ECE1: variants seen among roughly 807,000 people sequenced by gnomAD.
ECE1 encodes the protein endothelin-converting enzyme 1.
ECE1 carries 35 observed loss-of-function variants against 98.6 expected under a neutral mutation model. The ratio of observed to expected loss-of-function variants is 0.35; its 90% CI spans 0.27 to 0.47. The LOEUF is 0.47. ECE1 is among the 20% of genes least tolerant of loss of function. ECE1 has a pLI of 1.00. For synonymous variants in ECE1, 394 were observed against 407.1 expected (o/e 0.97, Z 0.39); for missense variants, 814 against 1,025.3 (o/e 0.79, Z 2.81).
chr1:21,248,022 T>C (rs12060330), intron 8 of ECE1, among the ~76,000 whole-genome samples: 1,871 of 152,328 alleles, frequency 0.012, 45 homozygotes, highest in African/African-American at 0.043. Context: ...GATTGGTAAA[T>C]TCAGGAAGAC....
At position 21,220,146 on chromosome 1, in the gene ECE1, C is replaced by G. The variant is rs1196383393; in HGVS notation, c.2137-15G>C. ...GAGCACCAGACCTTTGAAGGGGCAA[C>G]AGGGAGAGGCCAGGGTCACTGTGGG... is the stretch of plus-strand genomic sequence containing the variant. On this transcript the variant is annotated splice_polypyrimidine_tract_variant and intron_variant, in intron 18 of 18. Transcript: ENST00000374893. The surrounding 1 kb of genome is among the most constrained non-coding windows in gnomAD (Gnocchi z 5.0). The G allele has an allele frequency of 6.2e-7, 1 of 1,603,854 alleles. No individual in the cohort carries two copies. Among genetic ancestry groups the G allele is most frequent in the South Asian group, 1.1e-5 (1 of 89,872 alleles).
intron 1 of ECE1, among the ~76,000 whole-genome samples, chr1:21,329,270 C>T (rs190861319): frequency 1.3e-5 from 2 of 152,316 alleles, no homozygotes; most frequent in East Asian, 3.9e-4. Context: ...CCTGATGATT[C>T]TCATGCACAT....
At position 21,307,027 on chromosome 1, in the gene ECE1, C is replaced by T. The variant is rs1479100338; in HGVS notation, c.4-16871G>A. On this transcript the variant is annotated intron_variant, in intron 1 of 18. Transcript: ENST00000415912. This position sits in a 1 kb window ranked among gnomAD's most constrained non-coding sequence, Gnocchi z 4.2. ...GCCACAAATGCTAAGGGCCTGGCAG[C>T]GAGGACTGAGCCAACTCTTGGGCTT... 6.6e-6 allele frequency among the ~76,000 whole-genome samples: 1 copy of T among 152,146 alleles called. No homozygotes were observed. The highest frequency in any genetic ancestry group is 2.1e-4 in the South Asian group (1 of 4,830).
chr1:21,223,995 C>G (rs2103207926), intron 17 of ECE1, among the ~76,000 whole-genome samples: 1 of 152,228 alleles, frequency 6.6e-6, no homozygotes, highest in Non-Finnish European at 1.5e-5. Context: ...ACCAAAGGTC[C>G]TTCCTTAGCC....
At chr1:21,342,935 C>G (rs1639430155) in intron 1 of ECE1, among the ~76,000 whole-genome samples, 1 of 152,116 alleles carries the variant, frequency 6.6e-6, no homozygotes, top group African/African-American at 2.4e-5. Context: ...ACTTTCTGGC[C>G]CCAGCAACCT....
chr1:21,257,462 T>G, intron 7 of ECE1, 63 bp downstream of exon 7: 1 of 1,570,164 alleles, frequency 6.4e-7, no homozygotes, highest in Non-Finnish European at 8.7e-7. Context: ...CAGGTGTGGG[T>G]GTGGACACGG....
rs34057869 is a variant in ECE1, at chr1:21,312,122, C to CA, written c.4-21967dup. On this transcript the variant is annotated intron_variant, in intron 1 of 18. Coordinates refer to the ECE1 transcript ENST00000415912. The stretch of plus-strand genomic sequence containing the variant: ...TGAGCGACAGAGTGAGATTCTGTCT[C>CA]AAAAAAAAAAAAAAAAAAATTTTTT... 4.9e-3 allele frequency among the ~76,000 whole-genome samples: 560 copies of CA among 113,650 alleles called. 4 individuals are homozygous for CA. The highest frequency in any genetic ancestry group is 7.2e-3 in the Non-Finnish European group (397 of 55,524). 74.6% of individuals were successfully genotyped at this position (113,650 alleles called of 152,430 possible).
At chr1:21,300,163 G>A (rs928706228) in intron 1 of ECE1, among the ~76,000 whole-genome samples, 27 of 152,254 alleles carry the variant, frequency 1.8e-4, no homozygotes, top group African/African-American at 4.6e-4. Flanking sequence ...GCAGCACATG[G>A]GGGCTGTGGG....
At chr1:21,318,085 C>A (rs1384591628) in intron 1 of ECE1, among the ~76,000 whole-genome samples, 1 of 152,232 alleles carries the variant, frequency 6.6e-6, no homozygotes, top group Non-Finnish European at 1.5e-5. Flanking sequence ...GACGGTTAAA[C>A]GATTCTTCCC....
intron 2 of ECE1, among the ~76,000 whole-genome samples, chr1:21,281,410 G>C (rs2098254365): frequency 1.3e-5 from 2 of 152,194 alleles, no homozygotes; most frequent in African/African-American, 4.8e-5. Context: ...TGAGGGCCTG[G>C]TGCAGAGAGA....
chr1:21,283,823 G>A (rs1357334425), intron 2 of ECE1, among the ~76,000 whole-genome samples: 2 of 152,220 alleles, frequency 1.3e-5, no homozygotes, highest in Non-Finnish European at 2.9e-5. Flanking sequence ...AAAATTCATA[G>A]TTCCAGGCAA....
At chr1:21,262,687 C>T (rs915904177) in intron 4 of ECE1, among the ~76,000 whole-genome samples, 1 of 152,214 alleles carries the variant, frequency 6.6e-6, no homozygotes, top group Non-Finnish European at 1.5e-5. Context: ...AGTTCCGAGG[C>T]CCTCTTCCCT....
chr1:21,279,215 C>A lies in ECE1; in HGVS notation c.256G>T (p.Ala86Ser), dbSNP rs779491709. The stretch of plus-strand genomic sequence containing the variant: ...CTTGTCTGGTACTGGATGCCCAGTG[C>A]TGCCAAGCAGGCCACCAGTCCTGCC... ...LAAGLVACLA[A>S]LGIQYQTRSP... Residue 86 changes from alanine to serine, a missense_variant, in exon 3 of 19, where the codon GCA becomes TCA. Physicochemically the swap from Ala to Ser is moderately conservative, Grantham distance 99. Around this residue, in one of 3 missense-constraint regions of ECE1, gnomAD observed 257 missense variants for 278.9 expected, o/e 0.92. Coordinates refer to ENST00000374893, the MANE Select transcript of ECE1 (RefSeq NM_001397.3). 1.2e-6 allele frequency: 2 copies of A among 1,614,218 alleles called. No homozygotes were observed. The highest frequency in any genetic ancestry group is 3.3e-5 in the Admixed American group (2 of 60,028).
intron 8 of ECE1, among the ~76,000 whole-genome samples, chr1:21,251,060 G>T (rs1433707250): frequency 6.6e-6 from 1 of 152,018 alleles, no homozygotes; most frequent in Non-Finnish European, 1.5e-5. Context: ...CTTTCCTGAG[G>T]TCACATAGTT....
chr1:21,342,986 C>T (rs572016433), intron 1 of ECE1, among the ~76,000 whole-genome samples: 3 of 152,316 alleles, frequency 2.0e-5, no homozygotes, highest in African/African-American at 7.2e-5. Context: ...CCTTTCATAG[C>T]CAGGTGCCAG....
upstream of ECE1, chr1:21,290,564 G>A (rs918189326): frequency 6.7e-6 from 8 of 1,193,594 alleles, no homozygotes; most frequent in Non-Finnish European, 7.3e-6. The surrounding 1 kb of genome is among the most constrained non-coding windows in gnomAD (Gnocchi z 7.3). Flanking sequence ...CCCAAGACCC[G>A]AGAGGCCCGG....
Position 21,219,952 on chromosome 1 carries a change from T to C in ECE1, c.*3A>G, listed in dbSNP as rs774276352. 2 of 1,614,194 alleles carry C rather than the reference T, an allele frequency of 1.2e-6. No individual in the cohort carries two copies. Among genetic ancestry groups the C allele is most frequent in the South Asian group, 2.2e-5 (2 of 91,086 alleles). On this transcript the variant is annotated 3_prime_UTR_variant, in exon 19 of 19. Coordinates refer to ENST00000374893, the MANE Select transcript of ECE1 (RefSeq NM_001397.3). The surrounding 1 kb of genome is among the most constrained non-coding windows in gnomAD (Gnocchi z 4.5). ...CTCCGTCTTGGCTCTCTCCGCTTCG[T>C]CCTTACCAGACTTCGCACTTGTGAG...
At chr1:21,335,630 A>G (rs910157212) in intron 1 of ECE1, among the ~76,000 whole-genome samples, 6 of 152,296 alleles carry the variant, frequency 3.9e-5, no homozygotes, top group African/African-American at 1.2e-4. Flanking sequence ...CCCAGGGTGG[A>G]CAGAGTCGCA....
At chr1:21,297,995 T>G (rs1638406036) in intron 1 of ECE1, 1 of 152,534 alleles carries the variant, frequency 6.6e-6, no homozygotes. Flanking sequence ...GGTAGCACCA[T>G]GCCTAGCTAA....
Sources: gnomAD v4.1 joint callset for allele counts (sites outside exome capture counted in the v4.1 genomes callset) on GRCh38, gnomAD v4.1.1 for gene constraint, gnomAD v4.1.1 regional missense constraint, Gnocchi (gnomAD v3.1) non-coding constraint, MANE v1.5 for transcripts, NCBI Gene and HGNC (gene_info 2026-07-23, HGNC 2026-07-21) for gene names.